ANKRD60: variants seen among roughly 807,000 people sequenced by gnomAD.
ANKRD60 encodes ankyrin repeat domain-containing protein 60.
A neutral mutation model predicts 21.3 loss-of-function variants in ANKRD60; 24 were observed. That is an observed-to-expected ratio of 1.13 (90% confidence interval 0.82 to 1.59). The LOEUF (loss-of-function observed/expected upper bound fraction) is 1.59. ANKRD60 is among the 40% of genes most tolerant of loss of function. The pLI is 0.00. For synonymous variants in ANKRD60, 182 were observed against 199.4 expected (o/e 0.91, Z 0.74); for missense variants, 490 against 466.7 (o/e 1.05, Z -0.46).
At chr20:58,219,317 C>T (rs570327802) in intron 3 of ANKRD60, among the ~76,000 whole-genome samples, 1 of 152,304 alleles carries the variant, frequency 6.6e-6, no homozygotes, top group South Asian at 2.1e-4. Context: ...CCTGTGTAAG[C>T]TCAATAGACA....
chr20:58,221,281 T>C (rs1671500299), intron 3 of ANKRD60, 57 bp downstream of exon 3: 1 of 1,522,974 alleles, frequency 6.6e-7, no homozygotes, highest in Non-Finnish European at 8.9e-7. Flanking sequence ...CACTCTGTCC[T>C]TTCTACCTGC....
Position 58,228,335 on chromosome 20 carries a change from A to T in ANKRD60, c.319T>A (p.Phe107Ile). ...TCGCCGCGGCAGTTTGCCACTCGGA[A>T]CATCTCCCCCGTCTCCTCCAGCCGC... The change falls in exon 1 of 4, where the codon TTC becomes ATC. Residue 107 changes from phenylalanine (F) to isoleucine (I), a missense_variant. Coordinates refer to ENST00000457363, the Ensembl canonical transcript of ANKRD60. The surrounding 1 kb of genome is among the most constrained non-coding windows in gnomAD (Gnocchi z 5.3). The T allele has an allele frequency of 1.3e-6, 2 of 1,549,644 alleles. No homozygotes were observed. The highest frequency in any genetic ancestry group is 1.7e-6 in the Non-Finnish European group (2 of 1,145,742).
chr20:58,223,628 CA>C (rs200149434), intron 1 of ANKRD60, among the ~76,000 whole-genome samples: 1 of 151,892 alleles, frequency 6.6e-6, no homozygotes, highest in South Asian at 2.1e-4. Flanking sequence ...GTGACAATGA[CA>C]AAAAAAATGT....
chr20:58,223,326 G>T, intron 1 of ANKRD60, 144 bp from the exon 2 acceptor site: 2 of 750,218 alleles, frequency 2.7e-6, no homozygotes, highest in Non-Finnish European at 4.0e-6. Flanking sequence ...TGATGGTGTC[G>T]CGTGGGTCTG....
chr20:58,217,246 T>C (rs185918907), downstream of ANKRD60, among the ~76,000 whole-genome samples: 276 of 152,134 alleles, frequency 1.8e-3, 3 homozygotes, highest in Middle Eastern at 6.8e-3. Context: ...CTGGCCAACG[T>C]GGTGAAACCC....
At chr20:58,217,077 C>G (rs1325220858), downstream of ANKRD60, among the ~76,000 whole-genome samples, 1 of 152,228 alleles carries the variant, frequency 6.6e-6, no homozygotes, top group African/African-American at 2.4e-5. Context: ...TGCCCCACAT[C>G]TTCTCACTCC....
chr20:58,225,662 C>G (rs1217687473), intron 1 of ANKRD60, among the ~76,000 whole-genome samples: 1 of 152,202 alleles, frequency 6.6e-6, no homozygotes, highest in Non-Finnish European at 1.5e-5. Flanking sequence ...GCACCAAGCC[C>G]GTGGAGGCAG....
chr20:58,217,219 A>G (rs1172198902), downstream of ANKRD60, among the ~76,000 whole-genome samples: 2 of 152,200 alleles, frequency 1.3e-5, no homozygotes, highest in Non-Finnish European at 2.9e-5. Context: ...TCATGAGGTC[A>G]GGAGTTCGAG....
chr20:58,223,764 C>G (rs1165753773), intron 1 of ANKRD60, among the ~76,000 whole-genome samples: 1 of 152,146 alleles, frequency 6.6e-6, no homozygotes. Flanking sequence ...TTCCCGGCCT[C>G]TACCCACTAG....
rs867843037 is a variant in ANKRD60 at position 58,228,265 on chromosome 20, C to T, written c.389G>A (p.Gly130Asp). The change falls in exon 1 of 4, where the codon GGC becomes GAC. Residue 130 changes from glycine to aspartate, a missense_variant. Gly to Asp is a moderately conservative substitution (Grantham distance 94). Coordinates refer to ENST00000457363, the Ensembl canonical transcript of ANKRD60. This position sits in a 1 kb window ranked among gnomAD's most constrained non-coding sequence, Gnocchi z 5.3. The stretch of plus-strand genomic sequence containing the variant: ...GAGCCGCTGGAGGTTGAAGGGGATG[C>T]CGACCATCAGGTCCAGCTCCTCTTT... 6.4e-7 allele frequency: 1 copy of T among 1,550,958 alleles called. No homozygotes were observed. Among genetic ancestry groups the T allele is most frequent in the East Asian group, 2.4e-5 (1 of 40,884 alleles).
chr20:58,218,782 G>T, exon 4 of ANKRD60: 1 of 1,542,844 alleles, frequency 6.5e-7, no homozygotes, highest in Non-Finnish European at 8.8e-7. Flanking sequence ...CTGCCCAGGG[G>T]GGATCTGCTG....
chr20:58,218,472 C>T (rs370550787), downstream of ANKRD60: 200 of 1,535,374 alleles, frequency 1.3e-4, no homozygotes, highest in African/African-American at 1.5e-3. Context: ...CCAGCCTCAG[C>T]GGGCAAACGT....
chr20:58,227,002 C>G (rs1984378353), intron 1 of ANKRD60, among the ~76,000 whole-genome samples: 1 of 152,088 alleles, frequency 6.6e-6, no homozygotes, highest in South Asian at 2.1e-4. Flanking sequence ...CTGTTATGGC[C>G]AGGCATAGCT....
chr20:58,220,801 G>C (rs924662020), intron 3 of ANKRD60, among the ~76,000 whole-genome samples: 2 of 151,866 alleles, frequency 1.3e-5, no homozygotes, highest in East Asian at 1.9e-4. Flanking sequence ...GCTAATTTTT[G>C]TATTTTTAGT....
downstream of ANKRD60, among the ~76,000 whole-genome samples, chr20:58,216,880 T>C (rs539828188): frequency 1.3e-4 from 20 of 152,322 alleles, no homozygotes; most frequent in Non-Finnish European, 1.5e-4. Flanking sequence ...AGGTAGAGCT[T>C]TAGAGAACAT....
intron 3 of ANKRD60, among the ~76,000 whole-genome samples, chr20:58,220,624 C>G (rs1984229168): frequency 6.6e-6 from 1 of 151,646 alleles, no homozygotes; most frequent in Non-Finnish European, 1.5e-5. Flanking sequence ...GAATGGTGAT[C>G]CTGCCATCCA....
chr20:58,226,773 G>A (rs1984371449), intron 1 of ANKRD60, among the ~76,000 whole-genome samples: 1 of 152,178 alleles, frequency 6.6e-6, no homozygotes, highest in Non-Finnish European at 1.5e-5. Context: ...TGGTCATGGT[G>A]AGCTCGGTGA....
chr20:58,224,764 G>A (rs1389631175), intron 1 of ANKRD60, among the ~76,000 whole-genome samples: 1 of 152,344 alleles, frequency 6.6e-6, no homozygotes, highest in East Asian at 1.9e-4. Context: ...ACGGGCAAGA[G>A]TAAAACTCCC....
intron 2 of ANKRD60, 22 bp downstream of exon 2, chr20:58,223,030 A>C: frequency 6.5e-7 from 1 of 1,541,950 alleles, no homozygotes; most frequent in Non-Finnish European, 8.7e-7. Flanking sequence ...TATAATATCC[A>C]TTTAAAGAAG....
Sources: allele counts gnomAD v4.1 joint callset (sites outside exome capture counted in the v4.1 genomes callset), GRCh38; gene constraint gnomAD v4.1.1; non-coding constraint Gnocchi (gnomAD v3.1); transcripts MANE v1.5; gene names NCBI Gene and HGNC (gene_info 2026-07-23, HGNC 2026-07-21).